DPY19L3: variants seen among roughly 807,000 people sequenced by gnomAD.
The protein encoded by DPY19L3 is protein C-mannosyl-transferase DPY19L3.
A neutral mutation model predicts 92.3 loss-of-function variants in DPY19L3; 51 were observed. The observed-to-expected ratio is 0.55, with a 90% CI of 0.44 to 0.70. The LOEUF (loss-of-function observed/expected upper bound fraction) is 0.70, where lower values mean the gene tolerates loss of function less well. Among genes scored for constraint, DPY19L3 ranks in the 30% least tolerant of loss-of-function variants. The probability of loss-of-function intolerance (pLI) is 0.00; values close to 1 mark genes in which losing one functional copy is unlikely to be tolerated. For missense variants in DPY19L3, 706 were observed against 855.9 expected (o/e 0.82, Z 2.18); for synonymous variants, 309 against 315.2 (o/e 0.98, Z 0.21).
In DPY19L3 at chr19:32,483,428, A is replaced by G. The variant is rs1970726627; in HGVS notation, c.*1188A>G. 1 of 152,654 alleles carries G rather than the reference A, an allele frequency of 6.6e-6. No individual in the cohort carries two copies. Among genetic ancestry groups the G allele is most frequent in the Non-Finnish European group, 1.5e-5 (1 of 68,034 alleles). 9.5% of individuals were successfully genotyped at this position (152,654 alleles called of 1,614,324 possible). A position where few individuals can be genotyped will look rare whatever the true frequency, so the allele number is the denominator to read the frequency against. Reference sequence around the variant, plus strand: ...TTAATTTCTAATGATGAGGACATGTAAAAGTTGCCAGTAAGAACATAGTAT... The same window carrying G: ...TTAATTTCTAATGATGAGGACATGTGAAAGTTGCCAGTAAGAACATAGTAT... On this transcript the variant is annotated 3_prime_UTR_variant, in exon 19 of 19. Transcript: ENST00000392250.
rs1356420700 is a variant in DPY19L3 at position 32,482,125 on chromosome 19, A to G, written c.2036A>G (p.Asp679Gly). Residue 679 changes from aspartate (D) to glycine (G), a missense_variant, in exon 19 of 19, where the codon GAC (aspartate) becomes GGC (glycine). Physicochemically the swap from Asp to Gly is moderately conservative, Grantham distance 94. Coordinates refer to ENST00000392250, the MANE Select transcript of DPY19L3 (RefSeq NM_001172774.2). ...AATGATCCTGATTTGAAACCTGCAG[A>G]CCACCCTCGCTTCTGTGAAGAGATC... is the stretch of plus-strand genomic sequence containing the variant. ...GENDPDLKPA[D>G]HPRFCEEIKR... The G allele has an allele frequency of 6.2e-7, 1 of 1,613,652 alleles. No homozygotes were observed. The highest frequency in any genetic ancestry group is 1.3e-5 in the African/African-American group (1 of 74,850).
chr19:32,439,386 G>A (rs1017529797), intron 7 of DPY19L3, 151 bp downstream of exon 7: 92 of 855,452 alleles, frequency 1.1e-4, no homozygotes, highest in African/African-American at 1.4e-4. Context: ...TTTTCTTTTC[G>A]TGAGCTTTTT....
intron 6 of DPY19L3, among the ~76,000 whole-genome samples, chr19:32,437,765 A>C (rs1969191620): frequency 7.9e-6 from 1 of 126,654 alleles, no homozygotes; most frequent in Non-Finnish European, 1.9e-5. Flanking sequence ...TCAGTCATTA[A>C]AAAGTTTTTT....
intron 14 of DPY19L3, 80 bp from the exon 15 acceptor site, chr19:32,464,648 G>A (rs1048804745): frequency 7.4e-5 from 64 of 864,126 alleles, no homozygotes; most frequent in Non-Finnish European, 1.0e-4. Context: ...GCCAGCCTAG[G>A]CAAACATAGC....
intron 16 of DPY19L3, among the ~76,000 whole-genome samples, chr19:32,475,253 G>A (rs556078821): frequency 2.0e-5 from 3 of 152,306 alleles, no homozygotes; most frequent in Non-Finnish European, 4.4e-5. Flanking sequence ...AATGGATGTT[G>A]GAAGCTCAGC....
rs150688596 is a variant in DPY19L3 at position 32,468,356 on chromosome 19, A to G, written c.1615-375A>G. The G allele has an allele frequency of 2.0e-3, 2,012 of 1,004,046 alleles. 4 individuals are homozygous for G. Among genetic ancestry groups the G allele is most frequent in the Non-Finnish European group, 2.3e-3 (1,950 of 841,130 alleles). The allele number at this position is 1,004,046 out of a possible 1,614,324, so 62.2% of individuals were successfully genotyped here. A position where few individuals can be genotyped will look rare whatever the true frequency, so the allele number is the denominator to read the frequency against. ...AGGGGTAAATTGCATGGTATTAGTT[A>G]ATTACATATTCCTAACGGATTGTGA... On this transcript the variant is annotated intron_variant, in intron 15 of 18. Transcript: ENST00000392250.
Position 32,483,943 on chromosome 19 carries a change from G to C in DPY19L3, c.*1703G>C, listed in dbSNP as rs955395532. On this transcript the variant is annotated 3_prime_UTR_variant, in exon 19 of 19. Coordinates refer to ENST00000392250, the MANE Select transcript of DPY19L3 (RefSeq NM_001172774.2). Reference sequence around the variant, plus strand: ...CTAATTGAAACCAAGCACACGTAAGGTACAATATGTTAGACTCTGTGATTT... The same window carrying C: ...CTAATTGAAACCAAGCACACGTAAGCTACAATATGTTAGACTCTGTGATTT... 1 of 152,544 alleles carries C rather than the reference G, an allele frequency of 6.6e-6. No homozygotes were observed. Among genetic ancestry groups the C allele is most frequent in the African/African-American group, 2.4e-5 (1 of 41,416 alleles). The allele number at this position is 152,544 out of a possible 1,614,324, so 9.4% of individuals were successfully genotyped here.
chr19:32,475,777 C>A (rs549375892), intron 16 of DPY19L3, among the ~76,000 whole-genome samples: 15 of 152,290 alleles, frequency 9.8e-5, no homozygotes, highest in African/African-American at 3.6e-4. Context: ...GTGAGAGAGT[C>A]CCTGTAAATT....
chr19:32,447,832 A>C (rs988082853), intron 8 of DPY19L3, among the ~76,000 whole-genome samples: 4 of 133,964 alleles, frequency 3.0e-5, no homozygotes, highest in African/African-American at 1.6e-4. Context: ...AGATAGATAG[A>C]TAGATAGATA....
Position 32,482,003 on chromosome 19 carries a change from AC to A in DPY19L3, c.1990-73del, listed in dbSNP as rs375787192. On this transcript the variant is annotated intron_variant, in intron 18 of 18. Transcript: ENST00000392250. The stretch of plus-strand genomic sequence containing the variant: ...CTCACATACCATTCTTAAACCCAAT[AC>A]CCATTCCTGCTCCTACTGTCTTTTG... 4.3e-4 allele frequency: 642 copies of A among 1,509,108 alleles called. 4 individuals are homozygous for A. In the African/African-American group the frequency reaches 7.9e-3, roughly 18 times the overall value. 93.5% of individuals were successfully genotyped at this position (1,509,108 alleles called of 1,614,324 possible). A position where few individuals can be genotyped will look rare whatever the true frequency, so the allele number is the denominator to read the frequency against.
chr19:32,479,546 C>T, intron 17 of DPY19L3: 2 of 399,888 alleles, frequency 5.0e-6, no homozygotes, highest in South Asian at 3.6e-5. Flanking sequence ...CATCCTACCT[C>T]CCTACCATTT....
intron 8 of DPY19L3, among the ~76,000 whole-genome samples, chr19:32,441,896 T>C (rs1392899618): frequency 6.6e-6 from 1 of 152,244 alleles, no homozygotes; most frequent in African/African-American, 2.4e-5. Flanking sequence ...TTTATTTAGT[T>C]CTAAACTTTG....
chr19:32,421,922 G>A (rs988476141), intron 3 of DPY19L3, among the ~76,000 whole-genome samples: 3 of 152,066 alleles, frequency 2.0e-5, no homozygotes, highest in South Asian at 2.1e-4. Context: ...CCTGCATTTC[G>A]AAGATCCCCA....
intron 3 of DPY19L3, among the ~76,000 whole-genome samples, 185 bp from the exon 4 acceptor site, chr19:32,432,531 C>T (rs1235245443): frequency 6.6e-6 from 1 of 151,896 alleles, no homozygotes; most frequent in Non-Finnish European, 1.5e-5. Context: ...GGACAGACTC[C>T]CATGTATCCC....
At chr19:32,447,085 G>A (rs1969523882) in intron 8 of DPY19L3, among the ~76,000 whole-genome samples, 1 of 152,280 alleles carries the variant, frequency 6.6e-6, no homozygotes, top group South Asian at 2.1e-4. Flanking sequence ...TGGGAATTAA[G>A]CTCACTATTA....
At chr19:32,433,017 G>T (rs1969020981) in intron 4 of DPY19L3, among the ~76,000 whole-genome samples, 1 of 152,106 alleles carries the variant, frequency 6.6e-6, no homozygotes, top group Middle Eastern at 3.2e-3. Flanking sequence ...TTCCAGCTCT[G>T]TTCCATCCCA....
chr19:32,436,306 G>T, intron 4 of DPY19L3, 140 bp from the exon 5 acceptor site: 1 of 435,866 alleles, frequency 2.3e-6, no homozygotes, highest in South Asian at 8.8e-5. Context: ...GAGGGCAGGA[G>T]TATGTTTTTT....
At chr19:32,409,712 G>T (rs1451864251) in intron 2 of DPY19L3, among the ~76,000 whole-genome samples, 1 of 152,206 alleles carries the variant, frequency 6.6e-6, no homozygotes, top group African/African-American at 2.4e-5. Flanking sequence ...GAGATCACAT[G>T]ACCAGAGTAG....
chr19:32,462,028 A>G (rs1006361593), intron 12 of DPY19L3, among the ~76,000 whole-genome samples: 1 of 152,196 alleles, frequency 6.6e-6, no homozygotes, highest in Non-Finnish European at 1.5e-5. Context: ...TTTCCTATAC[A>G]TATATCCCTG....
Sources: allele counts gnomAD v4.1 joint callset (sites outside exome capture counted in the v4.1 genomes callset), GRCh38; gene constraint gnomAD v4.1.1; transcripts MANE v1.5; gene names NCBI Gene and HGNC (gene_info 2026-07-23, HGNC 2026-07-21).